PRR14: variants seen among roughly 807,000 people sequenced by gnomAD.
PRR14 encodes the protein proline-rich protein 14.
PRR14 carries 33 observed loss-of-function variants against 57.2 expected under a neutral mutation model. The ratio of observed to expected loss-of-function variants is 0.58; its 90% CI spans 0.44 to 0.77. The LOEUF (loss-of-function observed/expected upper bound fraction) is 0.77, where lower values mean the gene tolerates loss of function less well. Ranked by LOEUF, PRR14 falls within the 30% of genes least tolerant of loss-of-function variation. The probability of loss-of-function intolerance (pLI) is 0.00; values close to 1 mark genes in which losing one functional copy is unlikely to be tolerated. For synonymous variants in PRR14, 303 were observed against 314.7 expected (o/e 0.96, Z 0.39); for missense variants, 716 against 788.1 (o/e 0.91, Z 1.10).
At position 30,651,639 on chromosome 16, in the gene PRR14, G is replaced by C; in HGVS notation, c.-7G>C. 6.4e-7 allele frequency: 1 copy of C among 1,566,428 alleles called. No individual in the cohort carries two copies. Among genetic ancestry groups the C allele is most frequent in the Non-Finnish European group, 8.7e-7 (1 of 1,151,722 alleles). On this transcript the variant is annotated 5_prime_UTR_variant, in exon 2 of 12. Coordinates refer to ENST00000300835, the MANE Select transcript of PRR14 (RefSeq NM_024031.5). This position sits in a 1 kb window ranked among gnomAD's most constrained non-coding sequence, Gnocchi z 5.0. ...CCAGGGACCCCCCCGGAGCCGCCGCGTCTCCCATGGACTTGCCCGGGGACT... is the reference window on the plus strand; with the variant it reads ...CCAGGGACCCCCCCGGAGCCGCCGCCTCTCCCATGGACTTGCCCGGGGACT...
In PRR14 at chr16:30,654,919, C is replaced by T. The variant is rs1042635345; in HGVS notation, c.949C>T (p.His317Tyr). 12 of 1,613,128 alleles carry T rather than the reference C, an allele frequency of 7.4e-6. No homozygotes were observed. Among genetic ancestry groups the T allele is most frequent in the South Asian group, 1.1e-5 (1 of 91,070 alleles). ...PPIRQWRTQD[H>Y]NTPALLPKPS... ...AATCCGCCAGTGGCGAACTCAGGAC[C>T]ACAATACCCCAGCACTTCTCCCTAA... The change falls in exon 8 of 12, where the codon CAC (histidine) becomes TAC (tyrosine). Residue 317 changes from histidine to tyrosine, a missense_variant. Physicochemically the swap from His to Tyr is moderately conservative, Grantham distance 83. Transcript: ENST00000300835.
At position 30,656,325 on chromosome 16, in the gene PRR14, T is replaced by TG. The variant is rs2052372308; in HGVS notation, c.*16dup. Reference sequence around the variant, plus strand: ...CACTGGACCTAGGTGCCCCATCTGTTGGTCATCCATCCTGAAGGGACAGGA... The same window carrying TG: ...CACTGGACCTAGGTGCCCCATCTGTTGGGTCATCCATCCTGAAGGGACAGGA... On this transcript the variant is annotated 3_prime_UTR_variant, in exon 12 of 12. Coordinates refer to ENST00000300835, the MANE Select transcript of PRR14 (RefSeq NM_024031.5). 1 of 1,603,008 alleles carries TG rather than the reference T, an allele frequency of 6.2e-7. No individual in the cohort carries two copies. The highest frequency in any genetic ancestry group is 1.3e-5 in the African/African-American group (1 of 74,344).
Position 30,651,903 on chromosome 16 carries a change from T to C in PRR14, c.131T>C (p.Leu44Pro). 6.3e-7 allele frequency: 1 copy of C among 1,594,822 alleles called. No individual in the cohort carries two copies. Among genetic ancestry groups the C allele is most frequent in the East Asian group, 2.3e-5 (1 of 44,440 alleles). The change falls in exon 3 of 12, where the codon CTG becomes CCG. Residue 44 changes from leucine to proline, a missense_variant. Transcript: ENST00000300835. This position sits in a 1 kb window ranked among gnomAD's most constrained non-coding sequence, Gnocchi z 5.0. ...RLQLPGAPSP[L>P]EKASRRVLAV... ...CAGCTCCCGGGGGCCCCTTCTCCCC[T>C]GGAAAAGGCCTCTCGGCGGGTCCTG...
At position 30,652,825 on chromosome 16, in the gene PRR14, G is replaced by C; in HGVS notation, c.297G>C (p.Gly99=). ...QPPASPPRQA[G]WSSQARPPDP... is the part of the protein sequence containing the mutation. ...CTGCCTCGCCACCCCGGCAGGCCGG[G>C]TGGTCCTCGCAGGCCAGGTGAGCAT... The change falls in exon 4 of 12, where the codon GGG becomes GGC. Residue 99 remains glycine (G), a synonymous_variant. Transcript: ENST00000300835. 1.2e-6 allele frequency: 2 copies of C among 1,614,180 alleles called. No individual in the cohort carries two copies. The highest frequency in any genetic ancestry group is 1.7e-6 in the Non-Finnish European group (2 of 1,180,032).
chr16:30,655,965 T>C lies in PRR14; in HGVS notation c.1478+26T>C. The C allele has an allele frequency of 6.2e-7, 1 of 1,612,126 alleles. No individual in the cohort carries two copies. Among genetic ancestry groups the C allele is most frequent in the South Asian group, 1.1e-5 (1 of 90,890 alleles). On this transcript the variant is annotated intron_variant, in intron 11 of 11. Transcript: ENST00000300835. The surrounding 1 kb of genome is among the most constrained non-coding windows in gnomAD (Gnocchi z 4.6). ...GTGAGACACTTGGAAGGCTAGAGGGTGGCAGAGGGAAATCTGGAGCTGTGG... is the reference window on the plus strand; with the variant it reads ...GTGAGACACTTGGAAGGCTAGAGGGCGGCAGAGGGAAATCTGGAGCTGTGG...
chr16:30,653,963 C>T (rs2052339020), intron 6 of PRR14: 1 of 400,156 alleles, frequency 2.5e-6, no homozygotes, highest in African/African-American at 2.0e-5. Flanking sequence ...CATGCTCAGA[C>T]AAGATATTGT....
rs2052371195 is a variant in PRR14, at chr16:30,656,241, G to A, written c.1688G>A (p.Arg563Gln). The change falls in exon 12 of 12, where the codon CGG becomes CAG. Residue 563 changes from arginine to glutamine, a missense_variant. Physicochemically the swap from Arg to Gln is conservative, Grantham distance 43. Transcript: ENST00000300835. ...GATGTGGGCCCCCTGCTCCAGCAGC[G>A]GCTGGAGGAGCTAGATGCCTTGCTC... ...SPDVGPLLQQRLEELDALLLE... is the reference protein window; with the variant it reads ...SPDVGPLLQQQLEELDALLLE... 2 of 1,613,316 alleles carry A rather than the reference G, an allele frequency of 1.2e-6. No individual in the cohort carries two copies. Among genetic ancestry groups the A allele is most frequent in the Non-Finnish European group, 1.7e-6 (2 of 1,179,964 alleles).
In PRR14 at chr16:30,656,362, C is replaced by T. The variant is rs771603842; in HGVS notation, c.*51C>T. The T allele has an allele frequency of 1.5e-5, 23 of 1,513,294 alleles. No individual in the cohort carries two copies. The East Asian group carries it at 5.3e-4, about 35-fold the overall frequency. 93.7% of individuals were successfully genotyped at this position (1,513,294 alleles called of 1,614,324 possible). A position where few individuals can be genotyped will look rare whatever the true frequency, so the allele number is the denominator to read the frequency against. On this transcript the variant is annotated 3_prime_UTR_variant, in exon 12 of 12. Transcript: ENST00000300835. ...CTGAAGGGACAGGAAACCTCCCAGGCAGTTATTTTTTTTTCTCTATATTTC... is the reference window on the plus strand; with the variant it reads ...CTGAAGGGACAGGAAACCTCCCAGGTAGTTATTTTTTTTTCTCTATATTTC...
rs757700630 is a variant in PRR14 at position 30,654,750 on chromosome 16, T to C, written c.780T>C (p.Phe260=). The change falls in exon 8 of 12, where the codon TTT becomes TTC. Residue 260 remains phenylalanine (F), a synonymous_variant. Transcript: ENST00000300835. ...CCGTCCGCTCCAAGCTGGAGAGCTT[T>C]GCTGACATCTTCCTCACGCCCAACA... The part of the protein sequence containing the change: ...FRSVRSKLES[F]ADIFLTPNKT... 5 of 1,613,590 alleles carry C rather than the reference T, an allele frequency of 3.1e-6. No homozygotes were observed. The Admixed American group carries it at 8.3e-5, about 27-fold the overall frequency.
Position 30,654,977 on chromosome 16 carries a change from A to C in PRR14, c.1007A>C (p.Asp336Ala). Residue 336 changes from aspartate to alanine, a missense_variant, in exon 8 of 12, where the codon GAT becomes GCT. Asp to Ala is a moderately radical substitution (Grantham distance 126, BLOSUM62 -2). Transcript: ENST00000300835. The part of the protein sequence containing the change: ...PSLGRSYSCP[D>A]LGPPGPGTCT... Reference sequence around the variant, plus strand: ...CTGGGCCGAAGCTACTCCTGCCCTGATCTGGGGCCCCCTGGCCCAGGTACC... The same window carrying C: ...CTGGGCCGAAGCTACTCCTGCCCTGCTCTGGGGCCCCCTGGCCCAGGTACC... 6.2e-7 allele frequency: 1 copy of C among 1,611,054 alleles called. No individual in the cohort carries two copies.
chr16:30,653,512 T>C, intron 6 of PRR14, 104 bp downstream of exon 6: 1 of 1,260,550 alleles, frequency 7.9e-7, no homozygotes, highest in Non-Finnish European at 1.2e-6. Flanking sequence ...TCCTTCCTTG[T>C]GGCATCTTAA....
At position 30,653,337 on chromosome 16, in the gene PRR14, C is replaced by T. The variant is rs778778222; in HGVS notation, c.505-28C>T. ...GGCACTAAGGGGGCTTTCCTGCCTC[C>T]CCACAAACATCCCCTATTTTTATCC... On this transcript the variant is annotated intron_variant, in intron 5 of 11. Transcript: ENST00000300835. 7.1e-5 allele frequency: 114 copies of T among 1,612,720 alleles called. 1 individual carries two copies. In the East Asian group the frequency reaches 2.5e-3, roughly 36 times the overall value.
chr16:30,655,945 ACAC>A lies in PRR14; in HGVS notation c.1478+7_1478+9del. ...CAATCACCCACAACCAGGAGGTGAG[ACAC>A]TTGGAAGGCTAGAGGGTGGCAGAGG... On this transcript the variant is annotated splice_region_variant and intron_variant, in intron 11 of 11. Transcript: ENST00000300835. The surrounding 1 kb of genome is among the most constrained non-coding windows in gnomAD (Gnocchi z 4.6). 1 of 1,613,896 alleles carries A rather than the reference ACAC, an allele frequency of 6.2e-7. No individual in the cohort carries two copies. Among genetic ancestry groups the A allele is most frequent in the Non-Finnish European group, 8.5e-7 (1 of 1,179,796 alleles).
At chr16:30,652,601 G>C in intron 3 of PRR14, 120 bp from the exon 4 acceptor site, 1 of 1,259,070 alleles carries the variant, frequency 7.9e-7, no homozygotes, top group Admixed American at 1.9e-5. Context: ...TGGGATCCGA[G>C]TGAATTCTAG....
At position 30,652,735 on chromosome 16, in the gene PRR14, C is replaced by T. The variant is rs1346047951; in HGVS notation, c.207C>T (p.Pro69=). The T allele has an allele frequency of 2.5e-6, 4 of 1,614,194 alleles. No individual in the cohort carries two copies. The highest frequency in any genetic ancestry group is 1.7e-5 in the Admixed American group (1 of 60,020). ...TTCTCTTCCAGGTCCCCGTGGTGCC[C>T]TCAAAGCAGACCTCCATACCACAGC... ...VMAVHMVPVV[P]SKQTSIPQHH... is the part of the protein sequence containing the mutation. Residue 69 remains proline, a synonymous_variant, in exon 4 of 12, where the codon CCC becomes CCT. Transcript: ENST00000300835.
intron 3 of PRR14, chr16:30,652,220 C>CT (rs994262402): frequency 3.2e-6 from 2 of 626,750 alleles, no homozygotes; most frequent in African/African-American, 1.9e-5. Context: ...TCTTCTGCTT[C>CT]TTTTTTTCTA....
At chr16:30,652,505 C>G in intron 3 of PRR14, 1 of 628,548 alleles carries the variant, frequency 1.6e-6, no homozygotes, top group Non-Finnish European at 2.8e-6. Context: ...CTCTAAACAG[C>G]GTGGATGAGA....
rs1212080447 is a variant in PRR14 at position 30,655,135 on chromosome 16, G to A, written c.1165G>A (p.Gly389Arg). The change falls in exon 8 of 12, where the codon GGA (glycine) becomes AGA (arginine). Residue 389 changes from glycine to arginine, a missense_variant. By Grantham distance (125) the Gly-to-Arg change is moderately radical (BLOSUM62 -2). Transcript: ENST00000300835. This position sits in a 1 kb window ranked among gnomAD's most constrained non-coding sequence, Gnocchi z 4.6. ...CCGGAAAGAGGTCTTCCCTCTCGGA[G>A]GAGTGGGAGCCTCCCCTTCTCTCAC... ...CLRKEVFPLG[G>R]VGASPSLTTS... 4 of 1,610,794 alleles carry A rather than the reference G, an allele frequency of 2.5e-6. No homozygotes were observed. Among genetic ancestry groups the A allele is most frequent in the South Asian group, 1.1e-5 (1 of 90,974 alleles).
Position 30,653,091 on chromosome 16 carries a change from A to AC in PRR14, c.498dup (p.Ala167ArgfsTer2). On this transcript the variant is annotated frameshift_variant, in exon 5 of 12. Coordinates refer to ENST00000300835, the MANE Select transcript of PRR14 (RefSeq NM_024031.5). LOFTEE classifies it high-confidence loss of function. ...TGCTGGAAGACATCGCCAGTCCTAG[A>AC]CCCCCCGCTGAGGTATGGGAACTGA... The AC allele has an allele frequency of 1.9e-6, 3 of 1,605,850 alleles. No individual in the cohort carries two copies. The highest frequency in any genetic ancestry group is 8.5e-7 in the Non-Finnish European group (1 of 1,175,654).
Sources: gnomAD v4.1 joint callset for allele counts on GRCh38, gnomAD v4.1.1 for gene constraint, Gnocchi (gnomAD v3.1) non-coding constraint, MANE v1.5 for transcripts, NCBI Gene and HGNC (gene_info 2026-07-23, HGNC 2026-07-21) for gene names.